CFAP77: variants seen among roughly 807,000 people sequenced by gnomAD.
CFAP77 encodes cilia- and flagella-associated protein 77.
In CFAP77, 25 loss-of-function variants were observed where a neutral mutation model predicts 31.1. The ratio of observed to expected loss-of-function variants is 0.80; its 90% CI spans 0.59 to 1.12. The LOEUF is 1.12. Among genes scored for constraint, CFAP77 ranks in the 50% most tolerant of loss-of-function variants. CFAP77 has a pLI of 0.00. For synonymous variants in CFAP77, 151 were observed against 159.9 expected (o/e 0.94, Z 0.42); for missense variants, 377 against 397.3 (o/e 0.95, Z 0.44).
At chr9:132,465,621 T>G (rs1460602978) in intron 1 of CFAP77, among the ~76,000 whole-genome samples, 1 of 152,108 alleles carries the variant, frequency 6.6e-6, no homozygotes, top group East Asian at 1.9e-4. Context: ...GGGACCTCAG[T>G]GGGTGAGATG....
chr9:132,451,216 TA>T (rs1417646601), intron 1 of CFAP77, among the ~76,000 whole-genome samples: 2 of 151,830 alleles, frequency 1.3e-5, no homozygotes, highest in Non-Finnish European at 2.9e-5. Flanking sequence ...CATGCACCTG[TA>T]ATCCCAGCCA....
Position 132,511,781 on chromosome 9 carries a change from CGCGGCGGCTCACG to C in CFAP77, c.524+12182_524+12194del, listed in dbSNP as rs776520300. Among the ~76,000 whole-genome samples, 19 of 152,190 alleles carry C rather than the reference CGCGGCGGCTCACG, an allele frequency of 1.2e-4. No individual in the cohort carries two copies. The highest frequency in any genetic ancestry group is 2.5e-4 in the Non-Finnish European group (17 of 68,030). ...TAAAATAACAAAAATGAAGCGGCCG[CGCGGCGGCTCACG>C]CCTGTCATCCCAGCACTGTGGGAGG... On this transcript the variant is annotated intron_variant, in intron 3 of 5. Coordinates refer to ENST00000393216, the MANE Select transcript of CFAP77 (RefSeq NM_001282957.2). The surrounding 1 kb of genome is among the most constrained non-coding windows in gnomAD (Gnocchi z 5.8).
rs1852568463 is a variant in CFAP77 at position 132,537,608 on chromosome 9, A to C, written c.532A>C (p.Thr178Pro). 1 of 1,611,762 alleles carries C rather than the reference A, an allele frequency of 6.2e-7. No individual in the cohort carries two copies. Among genetic ancestry groups the C allele is most frequent in the Non-Finnish European group, 8.5e-7 (1 of 1,178,910 alleles). Residue 178 changes from threonine (T) to proline (P), a missense_variant, in exon 4 of 6, where the codon ACA (threonine) becomes CCA (proline). Coordinates refer to ENST00000393216, the MANE Select transcript of CFAP77 (RefSeq NM_001282957.2). Reference sequence around the variant, plus strand: ...TGGACTTCTTCCCTCCAGGCCTTCCACACCCTTCTTTGATCTGCTGCAGCA... The same window carrying C: ...TGGACTTCTTCCCTCCAGGCCTTCCCCACCCTTCTTTGATCTGCTGCAGCA... ...MTFGIRARPSTPFFDLLQHRY... is the reference protein window; with the variant it reads ...MTFGIRARPSPPFFDLLQHRY...
intron 5 of CFAP77, among the ~76,000 whole-genome samples, chr9:132,546,795 C>T (rs930236682): frequency 1.1e-4 from 17 of 152,240 alleles, no homozygotes; most frequent in African/African-American, 3.1e-4. Context: ...CAGCAGCTGG[C>T]GAGGGGCCCT....
intron 3 of CFAP77, among the ~76,000 whole-genome samples, chr9:132,519,538 GGGTGGGTA>G (rs1564238116): frequency 7.2e-3 from 819 of 113,986 alleles, no homozygotes; most frequent in Non-Finnish European, 9.6e-3. Flanking sequence ...ATGGATGGAT[GGGTGGGTA>G]GATGGATGAA....
In CFAP77 at chr9:132,495,911, G is replaced by A. The variant is rs1351438845; in HGVS notation, c.196-2784G>A. On this transcript the variant is annotated intron_variant, in intron 1 of 5. Transcript: ENST00000393216. This position sits in a 1 kb window ranked among gnomAD's most constrained non-coding sequence, Gnocchi z 4.2. ...AAGAGAGCCCTCACCAAGACACTGG[G>A]TCTGTTGGTGTCTAGATCTTGGACT... Among the ~76,000 whole-genome samples, 4 of 152,192 alleles carry A rather than the reference G, an allele frequency of 2.6e-5. No homozygotes were observed. Among genetic ancestry groups the A allele is most frequent in the African/African-American group, 4.8e-5 (2 of 41,450 alleles).
chr9:132,494,230 C>A (rs73556764), intron 1 of CFAP77, among the ~76,000 whole-genome samples: 9,790 of 152,174 alleles, frequency 0.064, 398 homozygotes, highest in African/African-American at 0.11. Context: ...GTTTCTTAAT[C>A]TCTGTGGGCA....
intron 1 of CFAP77, among the ~76,000 whole-genome samples, chr9:132,437,699 G>A (rs1461178070): frequency 6.6e-6 from 1 of 151,086 alleles, no homozygotes; most frequent in Admixed American, 6.6e-5. Flanking sequence ...TTTTAGTAGA[G>A]ACAGGGTTTC....
intron 1 of CFAP77, among the ~76,000 whole-genome samples, chr9:132,496,206 T>A (rs545387693): frequency 0.013 from 2,008 of 152,052 alleles, 41 homozygotes; most frequent in African/African-American, 0.036. Flanking sequence ...TCTATTTTTT[T>A]AAAAAAAACC....
chr9:132,499,559 G>C lies in CFAP77; in HGVS notation c.483G>C (p.Pro161=). The C allele has an allele frequency of 6.2e-7, 1 of 1,614,194 alleles. No homozygotes were observed. The highest frequency in any genetic ancestry group is 8.5e-7 in the Non-Finnish European group (1 of 1,180,028). ...DQDDRRMKKE[P]PPLPPNMTFG... is the part of the protein sequence containing the mutation. ...ATGACCGGCGCATGAAGAAAGAGCC[G>C]CCCCCTCTCCCTCCAAACATGACAT... Residue 161 remains proline (P), a synonymous_variant, in exon 3 of 6, where the codon CCG becomes CCC. Coordinates refer to ENST00000393216, the MANE Select transcript of CFAP77 (RefSeq NM_001282957.2). This position sits in a 1 kb window ranked among gnomAD's most constrained non-coding sequence, Gnocchi z 5.4.
At chr9:132,530,948 C>G (rs781588896) in intron 3 of CFAP77, among the ~76,000 whole-genome samples, 1 of 152,142 alleles carries the variant, frequency 6.6e-6, no homozygotes, top group African/African-American at 2.4e-5. Context: ...ATTCTTGTAT[C>G]AGGTGTGAGA....
chr9:132,499,801 C>T lies in CFAP77; in HGVS notation c.524+201C>T, dbSNP rs147828460. Among the ~76,000 whole-genome samples, 390 of 152,202 alleles carry T rather than the reference C, an allele frequency of 2.6e-3. 4 individuals carry two copies. Among genetic ancestry groups the T allele is most frequent in the African/African-American group, 8.9e-3 (369 of 41,532 alleles). ...GGGTCCTGGCCTTATAGCAGGGTACCCTGTAGGGCTGTGCACAGGTCACCC... is the reference window on the plus strand; with the variant it reads ...GGGTCCTGGCCTTATAGCAGGGTACTCTGTAGGGCTGTGCACAGGTCACCC... On this transcript the variant is annotated intron_variant, in intron 3 of 5. Transcript: ENST00000393216. This position sits in a 1 kb window ranked among gnomAD's most constrained non-coding sequence, Gnocchi z 5.4.
intron 1 of CFAP77, among the ~76,000 whole-genome samples, chr9:132,456,295 A>G (rs1417839633): frequency 6.6e-6 from 1 of 152,156 alleles, no homozygotes; most frequent in African/African-American, 2.4e-5. Context: ...CCTGCCCCCC[A>G]TCTTGACATC....
chr9:132,524,717 C>T (rs931921261), intron 3 of CFAP77, among the ~76,000 whole-genome samples: 9 of 151,982 alleles, frequency 5.9e-5, no homozygotes, highest in Non-Finnish European at 1.0e-4. Context: ...GGCGTGATCT[C>T]GGCTCACTGC....
At chr9:132,567,222 C>T (rs572295284) in intron 5 of CFAP77, among the ~76,000 whole-genome samples, 1 of 152,304 alleles carries the variant, frequency 6.6e-6, no homozygotes, top group African/African-American at 2.4e-5. Context: ...TGGGAGGAGC[C>T]TCTTGTGCCC....
At chr9:132,570,772 G>A (rs1389019608) in intron 5 of CFAP77, among the ~76,000 whole-genome samples, 5 of 152,152 alleles carry the variant, frequency 3.3e-5, no homozygotes, top group Non-Finnish European at 7.3e-5. Context: ...TTTCACCTCA[G>A]CAAGTGAGGT....
intron 3 of CFAP77, among the ~76,000 whole-genome samples, chr9:132,530,506 C>T (rs998906925): frequency 1.3e-5 from 2 of 152,178 alleles, no homozygotes; most frequent in Admixed American, 1.3e-4. Context: ...AACTCCTGAC[C>T]TCAGGTGATC....
intron 3 of CFAP77, among the ~76,000 whole-genome samples, chr9:132,535,521 A>G (rs187568273): frequency 4.8e-4 from 73 of 152,194 alleles, no homozygotes; most frequent in African/African-American, 1.7e-3. Context: ...AGACCAGCCT[A>G]GTCAACATAG....
At chr9:132,494,254 G>T (rs1354026758) in intron 1 of CFAP77, among the ~76,000 whole-genome samples, 1 of 152,162 alleles carries the variant, frequency 6.6e-6, no homozygotes, top group Non-Finnish European at 1.5e-5. Flanking sequence ...TTGGCATCAA[G>T]GGACAGATAG....
Sources: gnomAD v4.1 joint callset for allele counts (sites outside exome capture counted in the v4.1 genomes callset) on GRCh38, gnomAD v4.1.1 for gene constraint, Gnocchi (gnomAD v3.1) non-coding constraint, MANE v1.5 for transcripts, NCBI Gene and HGNC (gene_info 2026-07-23, HGNC 2026-07-21) for gene names.